STXBP6: variants seen among roughly 807,000 people sequenced by gnomAD.
The protein encoded by STXBP6 is syntaxin binding protein 6.
Under a neutral mutation model 26.9 loss-of-function variants are expected in STXBP6, and 21 were observed. That is an observed-to-expected ratio of 0.78 (90% CI 0.55 to 1.12). STXBP6 has a LOEUF of 1.12. Ranked by LOEUF, STXBP6 falls within the 50% of genes most tolerant of loss-of-function variation. The pLI, the probability that STXBP6 is intolerant of heterozygous loss-of-function variation, is 0.00. For missense variants in STXBP6, 232 were observed against 257.9 expected, an observed-to-expected ratio of 0.90 and a Z score of 0.69; for synonymous variants, 97 against 92.6, an observed-to-expected ratio of 1.05 and a Z score of -0.27.
chr14:24,858,533 T>C (rs1158710305), intron 2 of STXBP6, among the ~76,000 whole-genome samples: 1 of 152,144 alleles, frequency 6.6e-6, no homozygotes. Context: ...ACCAATTACA[T>C]TTACTTTTAT....
At chr14:24,920,034 A>C (rs901163727) in intron 2 of STXBP6, among the ~76,000 whole-genome samples, 17 of 152,076 alleles carry the variant, frequency 1.1e-4, no homozygotes, top group African/African-American at 3.6e-4. Context: ...GATATCCAAA[A>C]ATTTCCAATG....
chr14:25,030,111 G>A (rs1044347701), intron 1 of STXBP6, among the ~76,000 whole-genome samples: 24 of 152,136 alleles, frequency 1.6e-4, no homozygotes, highest in African/African-American at 5.6e-4. Context: ...TTTCAAGAAG[G>A]AAAATCAAAT....
intron 1 of STXBP6, among the ~76,000 whole-genome samples, chr14:24,993,144 A>G (rs1355290248): frequency 6.6e-6 from 1 of 152,176 alleles, no homozygotes; most frequent in Non-Finnish European, 1.5e-5. Flanking sequence ...CTACAGGCTG[A>G]AAACACATCA....
chr14:24,993,360 T>C (rs1166409492), intron 1 of STXBP6, among the ~76,000 whole-genome samples: 1 of 152,188 alleles, frequency 6.6e-6, no homozygotes, highest in Non-Finnish European at 1.5e-5. Context: ...TTATTCTCAC[T>C]GATCCCCATC....
chr14:24,899,119 T>C (rs1012680691), intron 2 of STXBP6, among the ~76,000 whole-genome samples: 12 of 152,142 alleles, frequency 7.9e-5, no homozygotes, highest in African/African-American at 2.9e-4. Context: ...ACTTTGAAGA[T>C]TTCAAGTATT....
At chr14:24,919,346 A>G (rs1215815100) in intron 2 of STXBP6, among the ~76,000 whole-genome samples, 1 of 151,994 alleles carries the variant, frequency 6.6e-6, no homozygotes, top group Non-Finnish European at 1.5e-5. Flanking sequence ...CCTGTAACAA[A>G]CACACTGACA....
intron 2 of STXBP6, among the ~76,000 whole-genome samples, chr14:24,953,633 T>C (rs146207173): frequency 3.8e-3 from 584 of 152,362 alleles, no homozygotes; most frequent in South Asian, 6.2e-3. Context: ...TTTTCTTTCA[T>C]AGAAATCAAC....
chr14:24,969,102 G>T (rs1050387620), intron 2 of STXBP6, among the ~76,000 whole-genome samples: 8 of 152,084 alleles, frequency 5.3e-5, no homozygotes, highest in African/African-American at 1.9e-4. Flanking sequence ...CCTTCCATGG[G>T]TATCTATTTA....
In STXBP6 at chr14:24,974,779, G is replaced by A. The variant is rs760322169; in HGVS notation, c.40C>T (p.Pro14Ser). The A allele has an allele frequency of 3.1e-6, 5 of 1,608,482 alleles. No individual in the cohort carries two copies. Among genetic ancestry groups the A allele is most frequent in the Non-Finnish European group, 3.4e-6 (4 of 1,177,018 alleles). Residue 14 changes from proline to serine, a missense_variant, in exon 2 of 6, where the codon CCT becomes TCT. Pro to Ser is a moderately conservative substitution (Grantham distance 74). Coordinates refer to ENST00000323944, the MANE Select transcript of STXBP6 (RefSeq NM_001394410.1). ...KSAISKEIFAPLDERMLGAVQ... is the reference protein window; with the variant it reads ...KSAISKEIFASLDERMLGAVQ... ...GCTCCCAGCATCCTTTCATCAAGAGGTGCAAAAATTTCCTTGCTGATAGCA... is the reference window on the plus strand; with the variant it reads ...GCTCCCAGCATCCTTTCATCAAGAGATGCAAAAATTTCCTTGCTGATAGCA...
chr14:25,019,848 A>G (rs1204368605), intron 1 of STXBP6, among the ~76,000 whole-genome samples: 1 of 150,850 alleles, frequency 6.6e-6, no homozygotes, highest in Non-Finnish European at 1.5e-5. Context: ...GTATCTTATT[A>G]TAAAATACAA....
Position 24,819,330 on chromosome 14 carries a change from A to C in STXBP6, c.452-136T>G, listed in dbSNP as rs765404793. ...GCCGCTCGTCTAGTGTCTAGGAAAC[A>C]AGCCGACATTTCTTTTGATTGGGTT... On this transcript the variant is annotated intron_variant, in intron 4 of 5. Transcript: ENST00000323944. The C allele has an allele frequency of 1.5e-5, 15 of 981,730 alleles. 1 individual carries two copies. In the South Asian group the frequency reaches 2.1e-4, roughly 14 times the overall value. The allele number at this position is 981,730 out of a possible 1,614,324, so 60.8% of individuals were successfully genotyped here. A position where few individuals can be genotyped will look rare whatever the true frequency, so the allele number is the denominator to read the frequency against.
At chr14:24,913,231 T>A (rs1032813693) in intron 2 of STXBP6, among the ~76,000 whole-genome samples, 17 of 152,168 alleles carry the variant, frequency 1.1e-4, no homozygotes, top group African/African-American at 4.1e-4. Flanking sequence ...ATTCCTTCTT[T>A]GCTGAGAAAC....
intron 2 of STXBP6, among the ~76,000 whole-genome samples, chr14:24,932,602 A>G (rs1006977191): frequency 6.6e-6 from 1 of 152,218 alleles, no homozygotes; most frequent in African/African-American, 2.4e-5. Flanking sequence ...AGATGAGAAT[A>G]GGCATGGGAA....
At position 24,996,535 on chromosome 14, in the gene STXBP6, C is replaced by T. The variant is rs185584663; in HGVS notation, c.-32-21685G>A. Among the ~76,000 whole-genome samples, 10 of 151,832 alleles carry T rather than the reference C, an allele frequency of 6.6e-5. No individual in the cohort carries two copies. In the East Asian group the frequency reaches 1.5e-3, roughly 23 times the overall value. ...CTTGACATCACACAGGGCCTCTTTG[C>T]TTCTCTCCTTAAAAAAAATAAAAAA... On this transcript the variant is annotated intron_variant, in intron 1 of 5. Coordinates refer to ENST00000323944, the MANE Select transcript of STXBP6 (RefSeq NM_001394410.1).
At chr14:24,912,233 T>A (rs1180447400) in intron 2 of STXBP6, among the ~76,000 whole-genome samples, 8 of 152,168 alleles carry the variant, frequency 5.3e-5, no homozygotes, top group Admixed American at 3.3e-4. Flanking sequence ...GATTATTTTC[T>A]TATAGCCTTT....
At chr14:24,954,766 C>T (rs1422532914) in intron 2 of STXBP6, among the ~76,000 whole-genome samples, 1 of 152,202 alleles carries the variant, frequency 6.6e-6, no homozygotes, top group Non-Finnish European at 1.5e-5. Flanking sequence ...AACAGTCCCC[C>T]CTTGGCTTTC....
chr14:24,809,708 G>C lies in STXBP6; in HGVS notation c.*3001C>G, dbSNP rs987390026. On this transcript the variant is annotated 3_prime_UTR_variant, in exon 6 of 6. Transcript: ENST00000323944. ...CAAAATTAGGGTTTGTTGTAATAGT[G>C]AATCAATAGAGCAGGTGTTACTTAT... The C allele has an allele frequency of 6.6e-6, 1 of 152,162 alleles. No individual in the cohort carries two copies. Among genetic ancestry groups the C allele is most frequent in the Admixed American group, 6.5e-5 (1 of 15,282 alleles). 9.4% of individuals were successfully genotyped at this position (152,162 alleles called of 1,614,324 possible).
intron 4 of STXBP6, among the ~76,000 whole-genome samples, chr14:24,829,515 A>G (rs2068391252): frequency 6.6e-6 from 1 of 152,230 alleles, no homozygotes; most frequent in East Asian, 1.9e-4. Flanking sequence ...TCCAAGGAAT[A>G]TAATCAGCAT....
At position 24,857,071 on chromosome 14, in the gene STXBP6, T is replaced by A. The variant is rs2069361661; in HGVS notation, c.241A>T (p.Met81Leu). The change falls in exon 3 of 6, where the codon ATG becomes TTG. Residue 81 changes from methionine to leucine, a missense_variant. By Grantham distance (15) the Met-to-Leu change is conservative. Coordinates refer to ENST00000323944, the MANE Select transcript of STXBP6 (RefSeq NM_001394410.1). ...TTAACCTGGCGAAGCTGCTCGAGCATCCACTGTGATCTCCGAACAAATGAT... is the reference window on the plus strand; with the variant it reads ...TTAACCTGGCGAAGCTGCTCGAGCAACCACTGTGATCTCCGAACAAATGAT... ...STSFVRRSQW[M>L]LEQLRQVNGI... The A allele has an allele frequency of 1.1e-5, 17 of 1,613,044 alleles. No homozygotes were observed. The highest frequency in any genetic ancestry group is 6.7e-5 in the East Asian group (3 of 44,856).
Sources: allele counts gnomAD v4.1 joint callset (sites outside exome capture counted in the v4.1 genomes callset), GRCh38; gene constraint gnomAD v4.1.1; transcripts MANE v1.5; gene names NCBI Gene and HGNC (gene_info 2026-07-23, HGNC 2026-07-21).